Variants in PDE6A observed in about 807,000 individuals in gnomAD.
PDE6A encodes the protein rod cGMP-specific 3',5'-cyclic phosphodiesterase subunit alpha.
Under a neutral mutation model 106.3 loss-of-function variants are expected in PDE6A, and 84 were observed. The observed-to-expected ratio is 0.79, with a 90% CI of 0.66 to 0.95. The LOEUF (loss-of-function observed/expected upper bound fraction) is 0.95, where lower values mean the gene tolerates loss of function less well. PDE6A is among the 40% of genes least tolerant of loss of function. PDE6A has a pLI of 0.00. For synonymous variants in PDE6A, 394 were observed against 386.6 expected (o/e 1.02, Z -0.23); for missense variants, 1,052 against 1,084.9 (o/e 0.97, Z 0.43).
chr5:149,905,287 C>T (rs1002487303), intron 7 of PDE6A, among the ~76,000 whole-genome samples: 1 of 152,110 alleles, frequency 6.6e-6, no homozygotes, highest in African/African-American at 2.4e-5. Context: ...CACTGCCTGT[C>T]TCCCTCTCCC....
intron 2 of PDE6A, among the ~76,000 whole-genome samples, 191 bp downstream of exon 2, chr5:149,934,375 C>T (rs1456812110): frequency 1.3e-5 from 2 of 152,212 alleles, no homozygotes; most frequent in African/African-American, 4.8e-5. Flanking sequence ...AACAATTATC[C>T]CTCTATTCCT....
chr5:149,934,480 C>T, intron 2 of PDE6A, 86 bp downstream of exon 2: 1 of 1,349,852 alleles, frequency 7.4e-7, no homozygotes, highest in Non-Finnish European at 1.1e-6. Flanking sequence ...AAAACTGAGG[C>T]CAGGTCAAAC....
At chr5:149,893,076 T>C (rs1229174249) in intron 13 of PDE6A, among the ~76,000 whole-genome samples, 1 of 152,224 alleles carries the variant, frequency 6.6e-6, no homozygotes, top group African/African-American at 2.4e-5. Context: ...TTTAGTGCAT[T>C]ATGCCAAAGC....
chr5:149,903,062 T>C (rs186028485), intron 8 of PDE6A, among the ~76,000 whole-genome samples: 1 of 149,008 alleles, frequency 6.7e-6, no homozygotes, highest in Admixed American at 6.8e-5. Flanking sequence ...GGCAGGAGTT[T>C]TGCTTGAACC....
chr5:149,863,207 G>A lies in PDE6A; in HGVS notation c.2418C>T (p.Arg806=). ...CATCAGCAAGCGCCTTCCACTCCTT[G>A]CGATTGTTGGTGATCCCGTCCAACA... ...TPMLDGITNN[R]KEWKALADEY... is the part of the protein sequence containing the mutation. The change falls in exon 21 of 22, where the codon CGC becomes CGT. Residue 806 remains arginine (R), a synonymous_variant. Coordinates refer to ENST00000255266, the MANE Select transcript of PDE6A (RefSeq NM_000440.3). This position sits in a 1 kb window ranked among gnomAD's most constrained non-coding sequence, Gnocchi z 4.7. 1.2e-6 allele frequency: 2 copies of A among 1,614,152 alleles called. No individual in the cohort carries two copies. The highest frequency in any genetic ancestry group is 2.2e-5 in the East Asian group (1 of 44,878).
intron 7 of PDE6A, among the ~76,000 whole-genome samples, chr5:149,905,965 CT>C (rs1247360273): frequency 6.6e-6 from 1 of 152,152 alleles, no homozygotes; most frequent in Non-Finnish European, 1.5e-5. Flanking sequence ...TCAAGGGATA[CT>C]CCTGTCTCAG....
intron 9 of PDE6A, among the ~76,000 whole-genome samples, chr5:149,898,794 C>T (rs1271192414): frequency 2.6e-5 from 4 of 152,138 alleles, no homozygotes; most frequent in South Asian, 2.1e-4. Flanking sequence ...TATCTAGGAA[C>T]GCTGTACTTT....
chr5:149,918,232 G>A (rs1009784772), intron 5 of PDE6A, among the ~76,000 whole-genome samples: 3 of 152,224 alleles, frequency 2.0e-5, no homozygotes, highest in Non-Finnish European at 4.4e-5. Flanking sequence ...TAAAAAGTCT[G>A]GAGATGATGT....
intron 14 of PDE6A, among the ~76,000 whole-genome samples, chr5:149,885,646 T>G (rs769180265): frequency 1.7e-4 from 26 of 152,174 alleles, no homozygotes; most frequent in Non-Finnish European, 3.4e-4. Context: ...GTGCAGCAGG[T>G]AGGACAAGGA....
rs767980273 is a variant in PDE6A, at chr5:149,931,114, G to C, written c.772C>G (p.Gln258Glu). Reference sequence around the variant, plus strand: ...ACTGTGTACAGGGCTTTGTGGAACTGTCGTTCGATGTCCGTAAGTTCTTCA... The same window carrying C: ...ACTGTGTACAGGGCTTTGTGGAACTCTCGTTCGATGTCCGTAAGTTCTTCA... The part of the protein sequence containing the change: ...VFEELTDIER[Q>E]FHKALYTVRA... The change falls in exon 4 of 22, where the codon CAG becomes GAG. Residue 258 changes from glutamine to glutamate, a missense_variant. Around this residue, in one of 3 missense-constraint regions of PDE6A, gnomAD observed 913 missense variants for 915.2 expected, o/e 1.00. Transcript: ENST00000255266. 1.2e-6 allele frequency: 2 copies of C among 1,614,092 alleles called. No homozygotes were observed.
intron 1 of PDE6A, among the ~76,000 whole-genome samples, chr5:149,935,315 G>C (rs547581404): frequency 6.6e-6 from 1 of 152,064 alleles, no homozygotes; most frequent in East Asian, 1.9e-4. Context: ...CTTCAGCTCT[G>C]CTGCCTCTTA....
rs1022338727 is a variant in PDE6A, at chr5:149,916,579, T to C, written c.934-1572A>G. Among the ~76,000 whole-genome samples, 6 of 152,196 alleles carry C rather than the reference T, an allele frequency of 3.9e-5. 1 individual carries two copies. Among genetic ancestry groups the C allele is most frequent in the African/African-American group, 1.4e-4 (6 of 41,446 alleles). On this transcript the variant is annotated intron_variant, in intron 5 of 21. Transcript: ENST00000255266. ...TTGCATTGTTAAAATTCCCATTCTC[T>C]TAAAGCAGAGCTCTTCAATTACATT...
chr5:149,935,851 T>A (rs1286072495), intron 1 of PDE6A, among the ~76,000 whole-genome samples: 1 of 152,154 alleles, frequency 6.6e-6, no homozygotes, highest in Non-Finnish European at 1.5e-5. Flanking sequence ...TTCACAGAAC[T>A]TTTCTAAAAC....
chr5:149,884,738 AT>A (rs776732291), intron 15 of PDE6A, 41 bp downstream of exon 15: 1 of 1,564,932 alleles, frequency 6.4e-7, no homozygotes, highest in African/African-American at 1.4e-5. Context: ...AGAGCCTCTG[AT>A]CCAGGCCCCG....
intron 13 of PDE6A, among the ~76,000 whole-genome samples, chr5:149,891,451 C>T (rs771998978): frequency 6.6e-6 from 1 of 152,160 alleles, no homozygotes; most frequent in Non-Finnish European, 1.5e-5. Flanking sequence ...GCCTGGGCGA[C>T]AGAGCGAGAT....
At chr5:149,896,219 C>T (rs1162857174) in intron 12 of PDE6A, 137 bp downstream of exon 12, 4 of 712,572 alleles carry the variant, frequency 5.6e-6, no homozygotes, top group Non-Finnish European at 9.5e-6. Flanking sequence ...CTCATCTGTG[C>T]AACATGACTA....
intron 10 of PDE6A, among the ~76,000 whole-genome samples, chr5:149,897,821 A>G (rs1417508164): frequency 2.0e-5 from 3 of 152,060 alleles, no homozygotes; most frequent in African/African-American, 7.2e-5. Context: ...TCCTGGGCTC[A>G]AGCGATCTGA....
At chr5:149,865,481 C>T (rs2113501484) in intron 20 of PDE6A, among the ~76,000 whole-genome samples, 1 of 152,046 alleles carries the variant, frequency 6.6e-6, no homozygotes, top group South Asian at 2.1e-4. Flanking sequence ...ATGATAGTGG[C>T]AAGCATCAGC....
chr5:149,944,326 G>A lies in PDE6A; in HGVS notation c.348C>T (p.His116=). The part of the protein sequence containing the change: ...AELATRLFNV[H]KDAVLEDCLV... ...GGCAGTCCTCGAGGACAGCATCCTT[G>A]TGGACATTGAAAAGCCTGGTGGCCA... The change falls in exon 1 of 22, where the codon CAC becomes CAT. Residue 116 remains histidine, a synonymous_variant. Coordinates refer to ENST00000255266, the MANE Select transcript of PDE6A (RefSeq NM_000440.3). 3 of 1,614,160 alleles carry A rather than the reference G, an allele frequency of 1.9e-6. No individual in the cohort carries two copies. The highest frequency in any genetic ancestry group is 2.5e-6 in the Non-Finnish European group (3 of 1,180,028).
Sources: gnomAD v4.1 joint callset for allele counts (sites outside exome capture counted in the v4.1 genomes callset) on GRCh38, gnomAD v4.1.1 for gene constraint, gnomAD v4.1.1 regional missense constraint, Gnocchi (gnomAD v3.1) non-coding constraint, MANE v1.5 for transcripts, NCBI Gene and HGNC (gene_info 2026-07-23, HGNC 2026-07-21) for gene names.